KLF17: variants seen among roughly 807,000 people sequenced by gnomAD.
KLF17 encodes the protein KLF transcription factor 17.
KLF17 carries 31 observed loss-of-function variants against 34.2 expected under a neutral mutation model. The ratio of observed to expected loss-of-function variants is 0.91; its 90% CI spans 0.68 to 1.22. The LOEUF is 1.22. Among genes scored for constraint, KLF17 ranks in the 50% most tolerant of loss-of-function variants. The pLI is 0.00. For synonymous variants in KLF17, 179 were observed against 186.7 expected (o/e 0.96, Z 0.34); for missense variants, 478 against 505.2 (o/e 0.95, Z 0.52).
At chr1:44,108,013 G>T in the KLF17 span, among the ~76,000 whole-genome samples, 1 of 152,204 alleles carries the variant, frequency 6.6e-6, no homozygotes, top group Non-Finnish European at 1.5e-5. Context: ...CCAAGATACT[G>T]TTAAGGCACA....
chr1:44,095,926 A>G, the KLF17 span, among the ~76,000 whole-genome samples: 1 of 151,064 alleles, frequency 6.6e-6, no homozygotes, highest in Admixed American at 6.6e-5. Flanking sequence ...GTTTTGGTGG[A>G]GTTTTTTGTT....
At position 44,134,856 on chromosome 1, in the gene KLF17, G is replaced by T. The variant is rs991029726; in HGVS notation, c.*1619G>T. 6.6e-6 allele frequency: 1 copy of T among 152,052 alleles called. No individual in the cohort carries two copies. The highest frequency in any genetic ancestry group is 2.4e-5 in the African/African-American group (1 of 41,392). 9.4% of individuals were successfully genotyped at this position (152,052 alleles called of 1,614,324 possible). On this transcript the variant is annotated 3_prime_UTR_variant, in exon 4 of 4. Coordinates refer to ENST00000372299, the MANE Select transcript of KLF17 (RefSeq NM_173484.4). ...AGTTAACTGGATTTGTTAGGTGAGG[G>T]TGAGGCCAAGGGTGACTTCCAGGTT...
chr1:44,074,110 C>G, the KLF17 span, among the ~76,000 whole-genome samples: 12 of 152,024 alleles, frequency 7.9e-5, no homozygotes, highest in Admixed American at 6.6e-5. Context: ...TTATTCCGTT[C>G]ATCTATAACT....
At chr1:44,081,527 T>C in the KLF17 span, among the ~76,000 whole-genome samples, 1 of 151,814 alleles carries the variant, frequency 6.6e-6, no homozygotes, top group Non-Finnish European at 1.5e-5. Flanking sequence ...GCAATTCTCT[T>C]GCCTCAACCT....
chr1:44,100,273 AGAG>A, the KLF17 span, among the ~76,000 whole-genome samples: 1 of 144,068 alleles, frequency 6.9e-6, no homozygotes, highest in Non-Finnish European at 1.5e-5. Flanking sequence ...AAAAAAAAAA[AGAG>A]AGAGAGAGAA....
At chr1:44,127,674 C>CTT (rs774705801) in intron 1 of KLF17, among the ~76,000 whole-genome samples, 45 of 42,658 alleles carry the variant, frequency 1.1e-3, no homozygotes, top group South Asian at 1.7e-3. Context: ...TTCTTTCTTT[C>CTT]TTTCTTTCTT....
chr1:44,109,897 CTTTTTTTTTTTT>C, the KLF17 span, among the ~76,000 whole-genome samples: 2 of 77,200 alleles, frequency 2.6e-5, no homozygotes, highest in Non-Finnish European at 4.8e-5. Context: ...CTTTTTTATA[CTTTTTTTTTTTT>C]TTTTTTTTTT....
At chr1:44,075,304 G>A in the KLF17 span, among the ~76,000 whole-genome samples, 2 of 152,072 alleles carry the variant, frequency 1.3e-5, no homozygotes, top group African/African-American at 4.8e-5. Context: ...TGATACTTTG[G>A]CATTTTCTGG....
At chr1:44,062,649 G>A in the KLF17 span, among the ~76,000 whole-genome samples, 1 of 150,886 alleles carries the variant, frequency 6.6e-6, no homozygotes, top group Non-Finnish European at 1.5e-5. Flanking sequence ...CCAGGAGTTC[G>A]AGGCCGCAGT....
the KLF17 span, chr1:44,101,593 A>G: frequency 3.9e-5 from 6 of 152,228 alleles, no homozygotes; most frequent in Admixed American, 6.5e-5. Context: ...GCCCTTCTCA[A>G]TGATCACGTC....
chr1:44,108,629 G>A, the KLF17 span, among the ~76,000 whole-genome samples: 1 of 146,676 alleles, frequency 6.8e-6, no homozygotes, highest in Admixed American at 6.8e-5. Context: ...TCTGATAGGT[G>A]AGAGATGACA....
At chr1:44,106,108 G>T in the KLF17 span, among the ~76,000 whole-genome samples, 1 of 152,080 alleles carries the variant, frequency 6.6e-6, no homozygotes, top group African/African-American at 2.4e-5. Context: ...TGAATGAGGA[G>T]ACCTCATCAC....
the KLF17 span, among the ~76,000 whole-genome samples, chr1:44,109,318 C>T: frequency 6.6e-6 from 1 of 152,150 alleles, no homozygotes; most frequent in Non-Finnish European, 1.5e-5. Context: ...TGCCCAAACT[C>T]CCAGAAAACA....
the KLF17 span, among the ~76,000 whole-genome samples, chr1:44,102,861 AT>A: frequency 0.32 from 49,141 of 151,694 alleles, 8,102 homozygotes; most frequent in South Asian, 0.38. Context: ...CCATAAAAAA[AT>A]GTTGCTTGAT....
At chr1:44,090,325 A>G in the KLF17 span, among the ~76,000 whole-genome samples, 1 of 149,666 alleles carries the variant, frequency 6.7e-6, no homozygotes, top group Non-Finnish European at 1.5e-5. Context: ...AAAAAAAAAA[A>G]AAAAAAAAAA....
chr1:44,103,016 A>C, the KLF17 span, among the ~76,000 whole-genome samples: 8 of 152,240 alleles, frequency 5.3e-5, no homozygotes, highest in Non-Finnish European at 8.8e-5. Context: ...CAGAATGCTT[A>C]TATGAGAACA....
the KLF17 span, among the ~76,000 whole-genome samples, chr1:44,078,879 T>C: frequency 6.6e-6 from 1 of 152,068 alleles, no homozygotes; most frequent in African/African-American, 2.4e-5. Flanking sequence ...TGGTACCTTC[T>C]CTCCCATCCA....
chr1:44,108,101 C>T, the KLF17 span, among the ~76,000 whole-genome samples: 1 of 152,206 alleles, frequency 6.6e-6, no homozygotes, highest in South Asian at 2.1e-4. Context: ...TGTGCCCCCA[C>T]TGAGTTTCAG....
chr1:44,105,582 T>G, the KLF17 span: 1 of 152,234 alleles, frequency 6.6e-6, no homozygotes. Flanking sequence ...TTTCTTTTCC[T>G]TTATCATCTT....
Sources: allele counts gnomAD v4.1 joint callset (sites outside exome capture counted in the v4.1 genomes callset), GRCh38; gene constraint gnomAD v4.1.1; transcripts MANE v1.5; gene names NCBI Gene and HGNC (gene_info 2026-07-23, HGNC 2026-07-21).